Variants in NKAIN1 observed in about 807,000 individuals in gnomAD.
NKAIN1 encodes sodium/potassium transporting ATPase interacting 1.
In NKAIN1, 13 loss-of-function variants were observed where a neutral mutation model predicts 31.6. That is an observed-to-expected ratio of 0.41 (90% CI 0.27 to 0.65). NKAIN1 has a LOEUF of 0.65. NKAIN1 is among the 30% of genes least tolerant of loss of function. NKAIN1 has a pLI of 0.30. For missense variants in NKAIN1, 193 were observed against 262.2 expected, an observed-to-expected ratio of 0.74 and a Z score of 1.82; for synonymous variants, 104 against 109.0, an observed-to-expected ratio of 0.95 and a Z score of 0.28.
chr1:31,218,908 G>A (rs533736427), intron 1 of NKAIN1, among the ~76,000 whole-genome samples: 9 of 152,314 alleles, frequency 5.9e-5, no homozygotes, highest in South Asian at 2.1e-4. Context: ...CAGATGACTC[G>A]TGGGGCTGCT....
chr1:31,219,742 A>G (rs1368203440), intron 1 of NKAIN1, among the ~76,000 whole-genome samples: 1 of 152,350 alleles, frequency 6.6e-6, no homozygotes, highest in African/African-American at 2.4e-5. Context: ...GAGTAGCCCA[A>G]GGGTTTGGAG....
intron 1 of NKAIN1, among the ~76,000 whole-genome samples, chr1:31,231,562 GCT>G (rs1021635846): frequency 9.2e-5 from 14 of 152,062 alleles, no homozygotes; most frequent in African/African-American, 3.1e-4. Flanking sequence ...ACGGAGTCTC[GCT>G]CTGTCACCCA....
At chr1:31,196,385 C>T (rs893898987) in intron 1 of NKAIN1, among the ~76,000 whole-genome samples, 34 of 151,994 alleles carry the variant, frequency 2.2e-4, no homozygotes, top group South Asian at 1.0e-3. Context: ...TGGTGGCGGG[C>T]GCCTGTAGTC....
Position 31,181,922 on chromosome 1 carries a change from A to G in NKAIN1, c.552T>C (p.Phe184=), listed in dbSNP as rs758488943. Reference sequence around the variant, plus strand: ...GGGGCGCCTGGTATCCGTAGGAGTCAAAGCCGCCGATGAAGTCAACTGCGG... The same window carrying G: ...GGGGCGCCTGGTATCCGTAGGAGTCGAAGCCGCCGATGAAGTCAACTGCGG... ...EEDSFDFIGG[F]DSYGYQAPQK... The change falls in exon 6 of 7, where the codon TTT becomes TTC. Residue 184 remains phenylalanine, a synonymous_variant. Coordinates refer to ENST00000373736, the MANE Select transcript of NKAIN1 (RefSeq NM_024522.3). The G allele has an allele frequency of 3.7e-6, 6 of 1,606,686 alleles. No homozygotes were observed. The highest frequency in any genetic ancestry group is 5.1e-6 in the Non-Finnish European group (6 of 1,177,432).
chr1:31,190,224 CA>C (rs2148350716), intron 1 of NKAIN1, among the ~76,000 whole-genome samples: 1 of 152,270 alleles, frequency 6.6e-6, no homozygotes, highest in African/African-American at 2.4e-5. Flanking sequence ...AAGGCTTGGG[CA>C]GAGACCAAGG....
chr1:31,194,532 G>A (rs1645309342), intron 1 of NKAIN1, among the ~76,000 whole-genome samples: 2 of 144,090 alleles, frequency 1.4e-5, no homozygotes, highest in African/African-American at 2.6e-5. Flanking sequence ...TCAGCCTCCC[G>A]AGTAGCTGGG....
Position 31,182,857 on chromosome 1 carries a change from G to A in NKAIN1, c.472-267C>T, listed in dbSNP as rs377762232. On this transcript the variant is annotated intron_variant, in intron 4 of 6. Coordinates refer to ENST00000373736, the MANE Select transcript of NKAIN1 (RefSeq NM_024522.3). ...GGACTTGGGCAATACCTTATGGCTT[G>A]TTAAGAAGAAAGAGGATTATGTGAC... Among the ~76,000 whole-genome samples, 920 of 151,972 alleles carry A rather than the reference G, an allele frequency of 6.1e-3. 7 individuals carry two copies. The highest frequency in any genetic ancestry group is 0.02 in the African/African-American group (851 of 41,560).
intron 4 of NKAIN1, 144 bp downstream of exon 4, chr1:31,183,673 C>G: frequency 1.2e-6 from 1 of 824,312 alleles, no homozygotes; most frequent in Non-Finnish European, 1.9e-6. Flanking sequence ...GTCTTGAACT[C>G]CTGACCTCAG....
At chr1:31,214,008 A>AAT (rs1645490609) in intron 1 of NKAIN1, among the ~76,000 whole-genome samples, 1 of 49,874 alleles carries the variant, frequency 2.0e-5, no homozygotes, top group South Asian at 5.6e-4. Flanking sequence ...AAAGAATAAA[A>AAT]TAAAAATTAA....
At chr1:31,182,112 G>A (rs1645206926) in intron 5 of NKAIN1, among the ~76,000 whole-genome samples, 171 bp from the exon 6 acceptor site, 1 of 152,244 alleles carries the variant, frequency 6.6e-6, no homozygotes, top group Non-Finnish European at 1.5e-5. Flanking sequence ...GGCCTGGGGC[G>A]GGGCTTCGGC....
In NKAIN1 at chr1:31,239,467, C is replaced by T. The variant is rs12025507; in HGVS notation, c.54+27G>A. ...GCGCCCCGCCGCGCCCCACCCTGCC[C>T]CGACTGCCTGGGCACGCGACGCTTA... On this transcript the variant is annotated intron_variant, in intron 1 of 6. Coordinates refer to ENST00000373736, the MANE Select transcript of NKAIN1 (RefSeq NM_024522.3). The surrounding 1 kb of genome is among the most constrained non-coding windows in gnomAD (Gnocchi z 4.8). 306,346 of 1,435,618 alleles carry T rather than the reference C, an allele frequency of 0.21. 36,665 individuals are homozygous for T. The highest frequency in any genetic ancestry group is 0.52 in the East Asian group (17,227 of 32,876). 88.9% of individuals were successfully genotyped at this position (1,435,618 alleles called of 1,614,324 possible). A position where few individuals can be genotyped will look rare whatever the true frequency, so the allele number is the denominator to read the frequency against.
At chr1:31,181,777 T>A in intron 6 of NKAIN1, 65 bp from the exon 7 acceptor site, 1 of 1,547,338 alleles carries the variant, frequency 6.5e-7, no homozygotes, top group Non-Finnish European at 8.8e-7. Context: ...AGAGACCCGG[T>A]TGCCCTGCCC....
At position 31,239,829 on chromosome 1, in the gene NKAIN1, G is replaced by A. The variant is rs1306064822; in HGVS notation, c.-282C>T. On this transcript the variant is annotated 5_prime_UTR_variant, in exon 1 of 7. Transcript: ENST00000373736. The surrounding 1 kb of genome is among the most constrained non-coding windows in gnomAD (Gnocchi z 4.8). ...CGCGCCTCCTGCCCCGGGGCGGCTG[G>A]CGGGGAGCGCGGAGCAAGGAGAGCG... Among the ~76,000 whole-genome samples the A allele has an allele frequency of 6.6e-6, 1 of 151,946 alleles. No individual in the cohort carries two copies. The highest frequency in any genetic ancestry group is 1.5e-5 in the Non-Finnish European group (1 of 67,924).
intron 1 of NKAIN1, among the ~76,000 whole-genome samples, chr1:31,195,634 A>G (rs75042789): frequency 6.6e-6 from 1 of 152,084 alleles, no homozygotes; most frequent in Non-Finnish European, 1.5e-5. Context: ...AAAAGAAAAA[A>G]AAAGTGTCTG....
At chr1:31,222,086 C>A (rs1645569646) in intron 1 of NKAIN1, among the ~76,000 whole-genome samples, 1 of 152,156 alleles carries the variant, frequency 6.6e-6, no homozygotes, top group Non-Finnish European at 1.5e-5. Flanking sequence ...GCCATATTGG[C>A]CAGGCTAGTG....
rs1179908249 is a variant in NKAIN1, at chr1:31,187,689, T to C, written c.192+361A>G. 2.0e-5 allele frequency among the ~76,000 whole-genome samples: 3 copies of C among 152,098 alleles called. No individual in the cohort carries two copies. In the South Asian group the frequency reaches 6.2e-4, roughly 32 times the overall value. On this transcript the variant is annotated intron_variant, in intron 2 of 6. Transcript: ENST00000373736. ...AGGAAGACTCGCAACCTTTCTGAGC[T>C]TCAGTTTCCTCATCTGGAAAATGGA...
intron 1 of NKAIN1, among the ~76,000 whole-genome samples, chr1:31,207,598 C>T (rs906131635): frequency 8.5e-5 from 13 of 152,140 alleles, no homozygotes; most frequent in African/African-American, 2.9e-4. Context: ...GACCCCCCTG[C>T]CCCACTCTTG....
chr1:31,200,076 C>T (rs560502980), intron 1 of NKAIN1, among the ~76,000 whole-genome samples: 1 of 152,294 alleles, frequency 6.6e-6, no homozygotes, highest in Non-Finnish European at 1.5e-5. Flanking sequence ...CGCACGAACA[C>T]ATGCGCGCAC....
chr1:31,190,101 G>T (rs1207267159), intron 1 of NKAIN1, among the ~76,000 whole-genome samples: 1 of 152,224 alleles, frequency 6.6e-6, no homozygotes, highest in Non-Finnish European at 1.5e-5. Context: ...GGAGAGAAGA[G>T]GGTCTGGCTG....
Sources: allele counts gnomAD v4.1 joint callset (sites outside exome capture counted in the v4.1 genomes callset), GRCh38; gene constraint gnomAD v4.1.1; non-coding constraint Gnocchi (gnomAD v3.1); transcripts MANE v1.5; gene names NCBI Gene and HGNC (gene_info 2026-07-23, HGNC 2026-07-21).